Variants in NTM observed in about 807,000 individuals in gnomAD.
NTM encodes the protein IgLON family member 2.
Under a neutral mutation model 42.1 loss-of-function variants are expected in NTM, and 13 were observed. The observed-to-expected ratio is 0.31, with a 90% confidence interval of 0.20 to 0.49. The LOEUF is 0.49. Ranked by LOEUF, NTM falls within the 20% of genes least tolerant of loss-of-function variation. The pLI is 0.99. For synonymous variants in NTM, 187 were observed against 179.2 expected, an observed-to-expected ratio of 1.04 and a Z score of -0.35; for missense variants, 373 against 452.8, an observed-to-expected ratio of 0.82 and a Z score of 1.60.
intron 1 of NTM, among the ~76,000 whole-genome samples, chr11:131,448,538 T>C (rs1396899827): frequency 1.3e-5 from 2 of 152,234 alleles, no homozygotes; most frequent in African/African-American, 4.8e-5. Context: ...TGGGTGCTCA[T>C]GGAACTCTCA....
At chr11:131,587,763 A>G (rs2059003532) in intron 1 of NTM, among the ~76,000 whole-genome samples, 1 of 152,218 alleles carries the variant, frequency 6.6e-6, no homozygotes, top group African/African-American at 2.4e-5. Context: ...TGCATCAGAA[A>G]CAACTGGAGG....
chr11:131,600,688 A>T (rs1411534695), intron 1 of NTM, among the ~76,000 whole-genome samples: 2 of 152,182 alleles, frequency 1.3e-5, no homozygotes, highest in South Asian at 2.1e-4. Flanking sequence ...CAAGAAAGGA[A>T]CCTGACCGCT....
chr11:132,046,412 TA>T (rs1269820904), intron 2 of NTM, among the ~76,000 whole-genome samples: 2 of 151,816 alleles, frequency 1.3e-5, no homozygotes, highest in African/African-American at 4.8e-5. Flanking sequence ...CCCCTTTACA[TA>T]ACAACACAGC....
chr11:132,319,000 G>GAAAC (rs2095498978), intron 7 of NTM, among the ~76,000 whole-genome samples: 1 of 152,208 alleles, frequency 6.6e-6, no homozygotes, highest in Admixed American at 6.5e-5. Context: ...GCAAGAAAAT[G>GAAAC]AAACAAAGAA....
intron 1 of NTM, among the ~76,000 whole-genome samples, chr11:131,554,161 G>A (rs1478451635): frequency 6.6e-6 from 1 of 152,140 alleles, no homozygotes; most frequent in African/African-American, 2.4e-5. Context: ...TTGCTATAAT[G>A]TGTTGTCATT....
At chr11:132,243,138 T>C (rs970642430) in intron 4 of NTM, among the ~76,000 whole-genome samples, 2 of 152,172 alleles carry the variant, frequency 1.3e-5, no homozygotes, top group Non-Finnish European at 2.9e-5. Context: ...CCCTTCTCAA[T>C]GTTTTTGGCT....
intron 7 of NTM, among the ~76,000 whole-genome samples, chr11:132,320,135 C>A (rs544654712): frequency 1.3e-5 from 2 of 152,178 alleles, no homozygotes; most frequent in Non-Finnish European, 2.9e-5. Context: ...TCATCAAAGA[C>A]CAAAGGTAGA....
intron 1 of NTM, among the ~76,000 whole-genome samples, chr11:131,402,755 A>G (rs1367506643): frequency 6.6e-6 from 1 of 152,202 alleles, no homozygotes; most frequent in Non-Finnish European, 1.5e-5. Flanking sequence ...TGGCCATATA[A>G]GTACTATTGA....
Position 131,523,657 on chromosome 11 carries a change from C to T in NTM, c.82+152769C>T, listed in dbSNP as rs142008929. Among the ~76,000 whole-genome samples the T allele has an allele frequency of 7.2e-5, 11 of 151,782 alleles. No homozygotes were observed. The East Asian group carries it at 2.0e-3, about 27-fold the overall frequency. ...ACACAAAAATTAGCCAGGTGTGTGG[C>T]ACATGTCTGTAATACCAGCTACTCA... is the stretch of plus-strand genomic sequence containing the variant. On this transcript the variant is annotated intron_variant, in intron 1 of 8. Coordinates refer to ENST00000683400, the MANE Select transcript of NTM (RefSeq NM_001352005.2).
intron 4 of NTM, among the ~76,000 whole-genome samples, chr11:132,249,125 T>C (rs2091618333): frequency 6.6e-6 from 1 of 152,164 alleles, no homozygotes; most frequent in South Asian, 2.1e-4. Context: ...TTGTCTTTTC[T>C]CTCCAAGCTC....
At chr11:131,587,581 A>G (rs1326525698) in intron 1 of NTM, among the ~76,000 whole-genome samples, 1 of 152,238 alleles carries the variant, frequency 6.6e-6, no homozygotes, top group African/African-American at 2.4e-5. Context: ...TAATTGAAAA[A>G]TTGATGAATA....
intron 2 of NTM, among the ~76,000 whole-genome samples, chr11:132,066,236 T>G (rs903200314): frequency 3.3e-5 from 5 of 152,220 alleles, no homozygotes; most frequent in African/African-American, 1.2e-4. Flanking sequence ...GTGCCTCTAC[T>G]TCTTCCAAAT....
chr11:131,839,321 G>T (rs982973255), intron 1 of NTM, among the ~76,000 whole-genome samples: 1 of 152,174 alleles, frequency 6.6e-6, no homozygotes, highest in African/African-American at 2.4e-5. Context: ...TTAAAGAATT[G>T]GGAGTTTCAG....
chr11:132,074,913 A>T (rs2058166570), intron 2 of NTM, among the ~76,000 whole-genome samples: 1 of 152,202 alleles, frequency 6.6e-6, no homozygotes, highest in Admixed American at 6.5e-5. Flanking sequence ...AATTACCCTA[A>T]TCTGATCACC....
intron 4 of NTM, among the ~76,000 whole-genome samples, chr11:132,227,938 AG>A (rs1341767007): frequency 6.6e-6 from 1 of 152,168 alleles, no homozygotes; most frequent in Non-Finnish European, 1.5e-5. Flanking sequence ...TCCCTCCCCA[AG>A]GACCAAGGCA....
At chr11:131,994,335 A>T (rs2067591095) in intron 2 of NTM, among the ~76,000 whole-genome samples, 1 of 152,176 alleles carries the variant, frequency 6.6e-6, no homozygotes, top group Non-Finnish European at 1.5e-5. Flanking sequence ...TGACTCAAAG[A>T]GCTCACAATT....
At chr11:131,695,790 G>A (rs1465408465) in intron 1 of NTM, among the ~76,000 whole-genome samples, 1 of 152,136 alleles carries the variant, frequency 6.6e-6, no homozygotes, top group Non-Finnish European at 1.5e-5. Flanking sequence ...GCAACCCCAT[G>A]GGTAGGATTA....
Position 132,075,634 on chromosome 11 carries a change from G to A in NTM, c.168-70648G>A, listed in dbSNP as rs1594390341. 3.3e-5 allele frequency among the ~76,000 whole-genome samples: 5 copies of A among 152,168 alleles called. 1 individual carries two copies. Among genetic ancestry groups the A allele is most frequent in the Admixed American group, 3.3e-4 (5 of 15,282 alleles). On this transcript the variant is annotated intron_variant, in intron 2 of 8. Coordinates refer to ENST00000683400, the MANE Select transcript of NTM (RefSeq NM_001352005.2). ...GGATTTTTCGAGCTATTATTAGCCTGGAGAGTATAGATAATTGCAGTCTAC... is the reference window on the plus strand; with the variant it reads ...GGATTTTTCGAGCTATTATTAGCCTAGAGAGTATAGATAATTGCAGTCTAC...
chr11:131,563,579 CTTTTTTTT>C (rs71911433), intron 1 of NTM, among the ~76,000 whole-genome samples: 79 of 88,768 alleles, frequency 8.9e-4, no homozygotes, highest in African/African-American at 3.1e-3. Flanking sequence ...GCTCCAGACA[CTTTTTTTT>C]TTTTTTTTTT....
Sources: gnomAD v4.1 joint callset for allele counts (sites outside exome capture counted in the v4.1 genomes callset) on GRCh38, gnomAD v4.1.1 for gene constraint, MANE v1.5 for transcripts, NCBI Gene and HGNC (gene_info 2026-07-23, HGNC 2026-07-21) for gene names.